The following FMO1 variants were observed in gnomAD, a reference collection of about 807,000 sequenced individuals.
FMO1 encodes flavin-containing monooxygenase 1.
A neutral mutation model predicts 45.4 loss-of-function variants in FMO1; 36 were observed. That is an observed-to-expected ratio of 0.79 (90% CI 0.61 to 1.05). FMO1 has a LOEUF of 1.05. Among genes scored for constraint, FMO1 ranks in the 50% least tolerant of loss-of-function variants. The pLI, the probability that FMO1 is intolerant of heterozygous loss-of-function variation, is 0.00. For missense variants in FMO1, 615 were observed against 640.3 expected, an observed-to-expected ratio of 0.96 and a Z score of 0.43; for synonymous variants, 228 against 227.2, an observed-to-expected ratio of 1.00 and a Z score of -0.03.
At chr1:171,265,057 GT>G (rs1428735764) in intron 2 of FMO1, among the ~76,000 whole-genome samples, 3 of 152,070 alleles carry the variant, frequency 2.0e-5, no homozygotes, top group Non-Finnish European at 4.4e-5. Flanking sequence ...GAACAATCAA[GT>G]TTTTTTCCAA....
At chr1:171,278,393 A>G (rs1006617854) in intron 4 of FMO1, among the ~76,000 whole-genome samples, 5 of 152,204 alleles carry the variant, frequency 3.3e-5, no homozygotes, top group Non-Finnish European at 1.5e-5. Flanking sequence ...TCAATAGAAC[A>G]TTATTGTCCT....
intron 2 of FMO1, among the ~76,000 whole-genome samples, chr1:171,262,502 G>A (rs1056229138): frequency 2.0e-5 from 3 of 152,118 alleles, no homozygotes; most frequent in Admixed American, 6.5e-5. Context: ...GCACATGCAC[G>A]CTTTCATTTA....
intron 1 of FMO1, among the ~76,000 whole-genome samples, chr1:171,255,267 C>T (rs1660100652): frequency 6.6e-6 from 1 of 152,206 alleles, no homozygotes; most frequent in Admixed American, 6.5e-5. Flanking sequence ...AGTTCCACCG[C>T]TGGCCATAAT....
chr1:171,265,992 T>C (rs1660604121), intron 2 of FMO1, among the ~76,000 whole-genome samples: 2 of 152,246 alleles, frequency 1.3e-5, no homozygotes, highest in Non-Finnish European at 2.9e-5. Flanking sequence ...GTGCTACATT[T>C]TTTTAATGTA....
chr1:171,277,025 C>G (rs1481278942), intron 4 of FMO1, among the ~76,000 whole-genome samples: 1 of 152,140 alleles, frequency 6.6e-6, no homozygotes, highest in Non-Finnish European at 1.5e-5. Flanking sequence ...ACAAATCAAG[C>G]AAGAAGAGCT....
chr1:171,266,331 T>C (rs1373262715), intron 2 of FMO1, among the ~76,000 whole-genome samples: 1 of 152,200 alleles, frequency 6.6e-6, no homozygotes, highest in Non-Finnish European at 1.5e-5. Flanking sequence ...ATTTATCCTG[T>C]AACAGACTAG....
chr1:171,264,314 T>TTG (rs949480380), intron 2 of FMO1, among the ~76,000 whole-genome samples: 1 of 149,414 alleles, frequency 6.7e-6, no homozygotes, highest in Non-Finnish European at 1.5e-5. Flanking sequence ...AATTTTTAAT[T>TTG]TGTGTGTGTG....
intron 5 of FMO1, among the ~76,000 whole-genome samples, chr1:171,279,272 G>A (rs919490789): frequency 7.2e-5 from 11 of 151,974 alleles, no homozygotes; most frequent in African/African-American, 2.7e-4. Flanking sequence ...ACCTCACACT[G>A]AGGATATTGC....
At chr1:171,279,899 A>G (rs991089368) in intron 5 of FMO1, among the ~76,000 whole-genome samples, 3 of 152,064 alleles carry the variant, frequency 2.0e-5, no homozygotes, top group African/African-American at 7.2e-5. Flanking sequence ...CCCTTTGCTC[A>G]CGCTACCCCT....
At chr1:171,269,960 C>T (rs1355953157) in intron 3 of FMO1, among the ~76,000 whole-genome samples, 1 of 152,200 alleles carries the variant, frequency 6.6e-6, no homozygotes, top group East Asian at 1.9e-4. Context: ...TGGGAAAAGA[C>T]ATCTATAGCC....
intron 8 of FMO1, among the ~76,000 whole-genome samples, chr1:171,283,486 A>C (rs1345688047): frequency 6.6e-6 from 1 of 152,042 alleles, no homozygotes; most frequent in Non-Finnish European, 1.5e-5. Context: ...AGTATCACAT[A>C]GAGTTTGGAT....
chr1:171,284,936 G>C (rs1159738612), intron 8 of FMO1, among the ~76,000 whole-genome samples: 1 of 151,858 alleles, frequency 6.6e-6, no homozygotes, highest in Non-Finnish European at 1.5e-5. Context: ...TCTAGAAATT[G>C]CTAATTATTT....
intron 1 of FMO1, chr1:171,251,572 A>G (rs923995206): frequency 6.7e-6 from 1 of 150,164 alleles, no homozygotes; most frequent in African/African-American, 2.4e-5. Flanking sequence ...TTCCTCACAC[A>G]GTTCCTCACA....
intron 5 of FMO1, among the ~76,000 whole-genome samples, chr1:171,280,128 G>A (rs1364399617): frequency 6.6e-6 from 1 of 152,162 alleles, no homozygotes; most frequent in Admixed American, 6.6e-5. Context: ...GGGCCATTCA[G>A]CTAACTAATA....
chr1:171,275,288 G>A, intron 3 of FMO1, 58 bp from the exon 4 acceptor site: 1 of 1,366,922 alleles, frequency 7.3e-7, no homozygotes, highest in East Asian at 2.3e-5. Context: ...TACATCAACT[G>A]GCAAGTGCTT....
intron 3 of FMO1, chr1:171,271,375 T>C (rs1374521104): frequency 1.0e-4 from 122 of 1,201,850 alleles, no homozygotes; most frequent in Non-Finnish European, 1.4e-4. Context: ...CACTTCTCTT[T>C]CATAATGGGC....
intron 1 of FMO1, among the ~76,000 whole-genome samples, chr1:171,254,245 T>G (rs1660045890): frequency 6.6e-6 from 1 of 152,086 alleles, no homozygotes; most frequent in Non-Finnish European, 1.5e-5. Context: ...CACACCACCA[T>G]GCCCAGCTAA....
At chr1:171,282,510 A>G in intron 7 of FMO1, 177 bp downstream of exon 7, 1 of 523,614 alleles carries the variant, frequency 1.9e-6, no homozygotes, top group Non-Finnish European at 3.4e-6. Flanking sequence ...CCATTACTGC[A>G]TAAATGGTAT....
At position 171,275,747 on chromosome 1, in the gene FMO1, T is replaced by C. The variant is rs116318370; in HGVS notation, c.484+239T>C. Among the ~76,000 whole-genome samples, 1,093 of 152,234 alleles carry C rather than the reference T, an allele frequency of 7.2e-3. 11 individuals are homozygous for C. The highest frequency in any genetic ancestry group is 0.025 in the African/African-American group (1,029 of 41,526). On this transcript the variant is annotated intron_variant, in intron 4 of 8. Coordinates refer to ENST00000617670, the MANE Select transcript of FMO1 (RefSeq NM_001282693.2). ...AGAGCAAAATGGATAACTTTATAAG[T>C]ATTTTTATGCTTTACCAAGATTCAA...
Sources: gnomAD v4.1 joint callset for allele counts (sites outside exome capture counted in the v4.1 genomes callset) on GRCh38, gnomAD v4.1.1 for gene constraint, MANE v1.5 for transcripts, NCBI Gene and HGNC (gene_info 2026-07-23, HGNC 2026-07-21) for gene names.